The following ADAMTS3 variants were observed in gnomAD, a reference collection of about 807,000 sequenced individuals.
The protein encoded by ADAMTS3 is A disintegrin and metalloproteinase with thrombospondin motifs 3.
Under a neutral mutation model 129.0 loss-of-function variants are expected in ADAMTS3, and 73 were observed. The observed-to-expected ratio is 0.57, with a 90% CI of 0.47 to 0.69. The LOEUF is 0.69. Ranked by LOEUF, ADAMTS3 falls within the 30% of genes least tolerant of loss-of-function variation. ADAMTS3 has a pLI of 0.00. For synonymous variants in ADAMTS3, 477 were observed against 510.8 expected (o/e 0.93, Z 0.89); for missense variants, 1,457 against 1,514.5 (o/e 0.96, Z 0.63).
chr4:72,535,145 A>C (rs1721154649), intron 3 of ADAMTS3, among the ~76,000 whole-genome samples: 1 of 152,150 alleles, frequency 6.6e-6, no homozygotes, highest in Non-Finnish European at 1.5e-5. Flanking sequence ...CCAGGTATGC[A>C]AAATAAAGGA....
intron 3 of ADAMTS3, chr4:72,442,048 T>C (rs1316043694): frequency 6.6e-6 from 1 of 151,790 alleles, no homozygotes; most frequent in African/African-American, 2.4e-5. Context: ...TGCTCCACAA[T>C]GTCTGAAGAC....
At chr4:72,503,086 C>T (rs1036962389) in intron 3 of ADAMTS3, among the ~76,000 whole-genome samples, 1 of 152,052 alleles carries the variant, frequency 6.6e-6, no homozygotes, top group Admixed American at 6.6e-5. Flanking sequence ...TACAGTGTTG[C>T]AATCTCAGCT....
chr4:72,382,191 A>G (rs1424671444), intron 4 of ADAMTS3, among the ~76,000 whole-genome samples: 1 of 152,160 alleles, frequency 6.6e-6, no homozygotes, highest in Non-Finnish European at 1.5e-5. Context: ...TATATTTTAT[A>G]TTATGGCACA....
At chr4:72,310,006 A>G (rs1719191214) in intron 14 of ADAMTS3, among the ~76,000 whole-genome samples, 1 of 152,068 alleles carries the variant, frequency 6.6e-6, no homozygotes, top group Non-Finnish European at 1.5e-5. Context: ...AAAGCATTTC[A>G]GGAAAGCAGA....
chr4:72,305,958 A>G, intron 16 of ADAMTS3, 29 bp downstream of exon 16: 1 of 1,575,120 alleles, frequency 6.3e-7, no homozygotes, highest in Non-Finnish European at 8.7e-7. Context: ...GTGCATGTTA[A>G]AGCAGAGACA....
chr4:72,419,113 C>A lies in ADAMTS3; in HGVS notation c.505-4142G>T, dbSNP rs139373621. On this transcript the variant is annotated intron_variant, in intron 3 of 21. Transcript: ENST00000286657. ...TCCCTCACCTCACAAAAATGAGGTG[C>A]CCCCGTCTAAATTAGATCCTCTCTT... Among the ~76,000 whole-genome samples, 1,259 of 152,150 alleles carry A rather than the reference C, an allele frequency of 8.3e-3. 22 individuals carry two copies. Among genetic ancestry groups the A allele is most frequent in the African/African-American group, 0.029 (1,216 of 41,526 alleles).
At chr4:72,392,462 A>G (rs965439120) in intron 4 of ADAMTS3, among the ~76,000 whole-genome samples, 6 of 152,186 alleles carry the variant, frequency 3.9e-5, no homozygotes, top group African/African-American at 1.2e-4. Flanking sequence ...GGAATATTAT[A>G]TGCATACATC....
rs1718376047 is a variant in ADAMTS3 at position 72,282,447 on chromosome 4, ACATTGTTGATT to A, written c.*678_*688del. On this transcript the variant is annotated 3_prime_UTR_variant, in exon 22 of 22. Transcript: ENST00000286657. ...TTTCTTTTTCTATAATTTACGTATC[ACATTGTTGATT>A]CAACAAAACCCTTTATATTGTCAGT... is the stretch of plus-strand genomic sequence containing the variant. The A allele has an allele frequency of 6.6e-6, 1 of 152,456 alleles. No individual in the cohort carries two copies. The highest frequency in any genetic ancestry group is 1.5e-5 in the Non-Finnish European group (1 of 68,044). 9.4% of individuals were successfully genotyped at this position (152,456 alleles called of 1,614,324 possible). A position where few individuals can be genotyped will look rare whatever the true frequency, so the allele number is the denominator to read the frequency against.
chr4:72,347,849 A>T (rs932099508), intron 4 of ADAMTS3, among the ~76,000 whole-genome samples: 2 of 151,980 alleles, frequency 1.3e-5, no homozygotes, highest in Non-Finnish European at 2.9e-5. Flanking sequence ...AAGGTCAACT[A>T]CATAGAAGAG....
chr4:72,318,720 T>C lies in ADAMTS3; in HGVS notation c.1353-16A>G. On this transcript the variant is annotated splice_polypyrimidine_tract_variant and intron_variant, in intron 9 of 21. Coordinates refer to ENST00000286657, the MANE Select transcript of ADAMTS3 (RefSeq NM_014243.3). ...GTCATAGGAACTGTAGGAAGAAAAA[T>C]ATTGCATGTAGTTAAATGTTCACTT... is the stretch of plus-strand genomic sequence containing the variant. The C allele has an allele frequency of 6.2e-7, 1 of 1,608,320 alleles. No homozygotes were observed. The highest frequency in any genetic ancestry group is 8.5e-7 in the Non-Finnish European group (1 of 1,177,474).
At chr4:72,368,005 A>C (rs1720914432) in intron 4 of ADAMTS3, among the ~76,000 whole-genome samples, 1 of 152,236 alleles carries the variant, frequency 6.6e-6, no homozygotes, top group Non-Finnish European at 1.5e-5. Flanking sequence ...TGACATATTT[A>C]GTAACATGAA....
chr4:72,326,309 G>T (rs1478987841), intron 5 of ADAMTS3, among the ~76,000 whole-genome samples: 1 of 152,008 alleles, frequency 6.6e-6, no homozygotes, highest in Non-Finnish European at 1.5e-5. Flanking sequence ...GATTTTCAAG[G>T]CTTAAAAAAG....
intron 5 of ADAMTS3, among the ~76,000 whole-genome samples, chr4:72,335,558 T>C (rs1197647123): frequency 2.0e-5 from 3 of 152,116 alleles, no homozygotes; most frequent in Non-Finnish European, 4.4e-5. Flanking sequence ...TCTAAGCCAG[T>C]TTCTCCTCCC....
intron 4 of ADAMTS3, among the ~76,000 whole-genome samples, chr4:72,389,219 C>T (rs1991948): frequency 0.93 from 141,492 of 152,192 alleles, 66,250 homozygotes; most frequent in Non-Finnish European, 0.98. Flanking sequence ...AGCCTCAGGA[C>T]TGTTATGTTA....
chr4:72,423,550 C>CT (rs1722497796), intron 3 of ADAMTS3, among the ~76,000 whole-genome samples: 2 of 150,790 alleles, frequency 1.3e-5, no homozygotes, highest in African/African-American at 2.4e-5. Flanking sequence ...ATTTTTTTTT[C>CT]TTTTTTTTCT....
At chr4:72,559,139 A>G (rs987266119) in intron 2 of ADAMTS3, among the ~76,000 whole-genome samples, 1 of 151,804 alleles carries the variant, frequency 6.6e-6, no homozygotes, top group African/African-American at 2.4e-5. Context: ...TGAGAGTATC[A>G]TTTGAACTCT....
chr4:72,397,805 T>C (rs1301148578), intron 4 of ADAMTS3, among the ~76,000 whole-genome samples: 2 of 152,096 alleles, frequency 1.3e-5, no homozygotes, highest in Non-Finnish European at 2.9e-5. Context: ...GAGCTGATAA[T>C]TGCAGAGCTG....
At chr4:72,481,538 A>T (rs1719436100) in intron 3 of ADAMTS3, among the ~76,000 whole-genome samples, 1 of 152,182 alleles carries the variant, frequency 6.6e-6, no homozygotes, top group Non-Finnish European at 1.5e-5. Flanking sequence ...TCTGAAGCAA[A>T]AATCAAATCA....
At chr4:72,530,439 AATTT>A in intron 3 of ADAMTS3, among the ~76,000 whole-genome samples, 2 of 73,672 alleles carry the variant, frequency 2.7e-5, no homozygotes, top group African/African-American at 1.1e-4. Flanking sequence ...AATATATGTT[AATTT>A]AATATATATT....
Sources: gnomAD v4.1 joint callset for allele counts (sites outside exome capture counted in the v4.1 genomes callset) on GRCh38, gnomAD v4.1.1 for gene constraint, MANE v1.5 for transcripts, NCBI Gene and HGNC (gene_info 2026-07-23, HGNC 2026-07-21) for gene names.